The following PACSIN2 variants were observed in gnomAD, a reference collection of about 807,000 sequenced individuals.
PACSIN2 encodes protein kinase C and casein kinase substrate in neurons protein 2.
Under a neutral mutation model 63.8 loss-of-function variants are expected in PACSIN2, and 25 were observed. The observed-to-expected ratio is 0.39, with a 90% CI of 0.29 to 0.55. PACSIN2 has a LOEUF of 0.55. Ranked by LOEUF, PACSIN2 falls within the 20% of genes least tolerant of loss-of-function variation. The pLI is 0.62. For synonymous variants in PACSIN2, 255 were observed against 256.2 expected (o/e 1.00, Z 0.05); for missense variants, 518 against 646.9 (o/e 0.80, Z 2.16).
chr22:42,900,853 C>A (rs911150919), intron 2 of PACSIN2, among the ~76,000 whole-genome samples: 2 of 152,180 alleles, frequency 1.3e-5, no homozygotes, highest in African/African-American at 4.8e-5. Context: ...GAAAGAGAGG[C>A]CACCTGCCCA....
At chr22:42,970,358 G>C (rs73176889) in intron 1 of PACSIN2, among the ~76,000 whole-genome samples, 11 of 152,184 alleles carry the variant, frequency 7.2e-5, no homozygotes, top group African/African-American at 2.7e-4. Context: ...AATCATCAAG[G>C]ACCTGGATGG....
chr22:42,986,403 C>T (rs1197115791), intron 1 of PACSIN2, among the ~76,000 whole-genome samples: 2 of 152,130 alleles, frequency 1.3e-5, no homozygotes, highest in South Asian at 2.1e-4. Context: ...TCCGGCCAAA[C>T]GAAATCAAAC....
At position 42,978,997 on chromosome 22, in the gene PACSIN2, T is replaced by G. The variant is rs572548110; in HGVS notation, c.-78+36024A>C. Reference sequence around the variant, plus strand: ...TCAGGTTAGCTGGTGACCTCAGAACTCTGACCAGTATAATGAACTGTGACA... The same window carrying G: ...TCAGGTTAGCTGGTGACCTCAGAACGCTGACCAGTATAATGAACTGTGACA... On this transcript the variant is annotated intron_variant, in intron 1 of 10. Coordinates refer to ENST00000263246, the MANE Select transcript of PACSIN2 (RefSeq NM_001184970.3). Among the ~76,000 whole-genome samples, 11 of 152,266 alleles carry G rather than the reference T, an allele frequency of 7.2e-5. No homozygotes were observed. The South Asian group carries it at 2.3e-3, about 32-fold the overall frequency.
At chr22:42,986,598 G>GGT (rs1922630323) in intron 1 of PACSIN2, among the ~76,000 whole-genome samples, 1 of 152,040 alleles carries the variant, frequency 6.6e-6, no homozygotes, top group Non-Finnish European at 1.5e-5. Flanking sequence ...TCTAATGGGG[G>GGT]GTGAAGATAC....
At chr22:42,905,349 G>C (rs758832781) in intron 2 of PACSIN2, among the ~76,000 whole-genome samples, 5 of 152,276 alleles carry the variant, frequency 3.3e-5, no homozygotes, top group Non-Finnish European at 7.3e-5. Context: ...GGTAAGTGTA[G>C]AGAGGACGCT....
At chr22:43,000,486 T>C (rs1424871377) in intron 1 of PACSIN2, among the ~76,000 whole-genome samples, 1 of 152,212 alleles carries the variant, frequency 6.6e-6, no homozygotes, top group Non-Finnish European at 1.5e-5. Flanking sequence ...TACTCACCTC[T>C]TTACTTACTA....
intron 2 of PACSIN2, among the ~76,000 whole-genome samples, chr22:42,900,772 C>T (rs1450373030): frequency 6.6e-6 from 1 of 152,318 alleles, no homozygotes; most frequent in Non-Finnish European, 1.5e-5. Context: ...CCGCACCCGA[C>T]CTAGTGTCCC....
chr22:42,936,263 T>A (rs1028831791), intron 1 of PACSIN2, among the ~76,000 whole-genome samples: 2 of 151,208 alleles, frequency 1.3e-5, no homozygotes, highest in African/African-American at 4.9e-5. Flanking sequence ...GAAACAGGGA[T>A]GACAATGCAC....
chr22:42,941,207 C>T (rs1027712714), intron 1 of PACSIN2, among the ~76,000 whole-genome samples: 5 of 97,500 alleles, frequency 5.1e-5, no homozygotes, highest in Non-Finnish European at 1.0e-4. Context: ...GGTTCGTCCA[C>T]GTTGCAGCAT....
chr22:42,962,671 C>A (rs1351507005), intron 1 of PACSIN2, among the ~76,000 whole-genome samples: 1 of 150,728 alleles, frequency 6.6e-6, no homozygotes, highest in Non-Finnish European at 1.5e-5. Context: ...AGTCACAGGG[C>A]CACCCTCACA....
chr22:42,963,531 A>G lies in PACSIN2; in HGVS notation c.-77-51374T>C, dbSNP rs1027234047. On this transcript the variant is annotated intron_variant, in intron 1 of 10. Coordinates refer to ENST00000263246, the MANE Select transcript of PACSIN2 (RefSeq NM_001184970.3). ...AGGATCCAGCAAGGCTGCTGCTTCTATCTGAGGCCTTTTGTTATATGATTG... is the reference window on the plus strand; with the variant it reads ...AGGATCCAGCAAGGCTGCTGCTTCTGTCTGAGGCCTTTTGTTATATGATTG... 3.3e-5 allele frequency among the ~76,000 whole-genome samples: 5 copies of G among 152,238 alleles called. No individual in the cohort carries two copies. The East Asian group carries it at 9.6e-4, about 29-fold the overall frequency.
chr22:42,900,597 C>T (rs192905627), intron 2 of PACSIN2, among the ~76,000 whole-genome samples: 403 of 152,194 alleles, frequency 2.6e-3, no homozygotes, highest in Non-Finnish European at 3.9e-3. Context: ...CCTCAGCCTC[C>T]GAGTAGCTGG....
chr22:43,010,395 T>TAC (rs1172596370), intron 1 of PACSIN2, among the ~76,000 whole-genome samples: 3 of 100,310 alleles, frequency 3.0e-5, no homozygotes, highest in South Asian at 3.2e-4. Flanking sequence ...CATATATATA[T>TAC]ATATTTTTTT....
chr22:43,010,398 A>ATATATATTTTTTTTTTTTT, intron 1 of PACSIN2, among the ~76,000 whole-genome samples: 15 of 126,408 alleles, frequency 1.2e-4, no homozygotes, highest in Non-Finnish European at 1.5e-4. Flanking sequence ...ATATATATAT[A>ATATATATTTTTTTTTTTTT]TTTTTTTTTA....
At chr22:42,896,649 AGGAAT>A (rs1930309409) in intron 2 of PACSIN2, among the ~76,000 whole-genome samples, 1 of 152,222 alleles carries the variant, frequency 6.6e-6, no homozygotes, top group South Asian at 2.1e-4. Context: ...GTGAATACCT[AGGAAT>A]GGAAATGTTA....
intron 5 of PACSIN2, among the ~76,000 whole-genome samples, chr22:42,886,679 C>T (rs1406119858): frequency 2.0e-5 from 3 of 152,138 alleles, no homozygotes; most frequent in African/African-American, 7.2e-5. Context: ...GTTTCCCAGG[C>T]TGTGTGCTGG....
At chr22:42,963,823 T>A (rs1920932396) in intron 1 of PACSIN2, among the ~76,000 whole-genome samples, 1 of 138,344 alleles carries the variant, frequency 7.2e-6, no homozygotes, top group Non-Finnish European at 1.5e-5. Flanking sequence ...GTCGTGTCAT[T>A]TGGAAACAAT....
chr22:42,980,575 G>A (rs1569347220), intron 1 of PACSIN2, among the ~76,000 whole-genome samples: 2 of 132,818 alleles, frequency 1.5e-5, no homozygotes, highest in South Asian at 2.7e-4. Flanking sequence ...TCGGCTCACT[G>A]CAACCTCCCT....
chr22:42,928,298 A>T (rs1024787011), intron 1 of PACSIN2, among the ~76,000 whole-genome samples: 1 of 152,220 alleles, frequency 6.6e-6, no homozygotes, highest in African/African-American at 2.4e-5. Flanking sequence ...TGAATCTGAG[A>T]GTGCTGTAGG....
Sources: allele counts gnomAD v4.1 joint callset (sites outside exome capture counted in the v4.1 genomes callset), GRCh38; gene constraint gnomAD v4.1.1; transcripts MANE v1.5; gene names NCBI Gene and HGNC (gene_info 2026-07-23, HGNC 2026-07-21).